ATP8B4: variants seen among roughly 807,000 people sequenced by gnomAD.
The protein encoded by ATP8B4 is probable phospholipid-transporting ATPase IM.
A neutral mutation model predicts 145.6 loss-of-function variants in ATP8B4; 133 were observed. That is an observed-to-expected ratio of 0.91 (90% CI 0.79 to 1.05). The LOEUF is 1.05. Among genes scored for constraint, ATP8B4 ranks in the 50% least tolerant of loss-of-function variants. The pLI is 0.00. For synonymous variants in ATP8B4, 507 were observed against 492.9 expected (o/e 1.03, Z -0.38); for missense variants, 1,458 against 1,425.2 (o/e 1.02, Z -0.37).
chr15:49,943,369 G>T (rs1184719277), intron 14 of ATP8B4, among the ~76,000 whole-genome samples: 3 of 150,222 alleles, frequency 2.0e-5, no homozygotes. Context: ...TTTTCAAGAA[G>T]CCCAAAGATC....
intron 1 of ATP8B4, among the ~76,000 whole-genome samples, chr15:50,162,146 C>G (rs1388275076): frequency 6.6e-6 from 1 of 152,028 alleles, no homozygotes; most frequent in Non-Finnish European, 1.5e-5. Flanking sequence ...TGTATTGGAG[C>G]TTTCTTGTAT....
chr15:49,923,905 A>G (rs2040480302), intron 16 of ATP8B4, among the ~76,000 whole-genome samples: 1 of 152,174 alleles, frequency 6.6e-6, no homozygotes, highest in African/African-American at 2.4e-5. Flanking sequence ...GTGCTATGCT[A>G]AATCATCTCC....
chr15:49,949,782 T>G (rs535454432), intron 14 of ATP8B4, among the ~76,000 whole-genome samples: 1 of 152,248 alleles, frequency 6.6e-6, no homozygotes, highest in Non-Finnish European at 1.5e-5. Context: ...CCATTCAATA[T>G]GATATTGGTT....
At chr15:50,093,871 C>A (rs2055777536) in intron 2 of ATP8B4, among the ~76,000 whole-genome samples, 1 of 152,134 alleles carries the variant, frequency 6.6e-6, no homozygotes, top group East Asian at 1.9e-4. Flanking sequence ...AACTTTAATA[C>A]AATAAGCACT....
At chr15:50,025,661 C>T (rs1343841016) in intron 6 of ATP8B4, among the ~76,000 whole-genome samples, 1 of 152,208 alleles carries the variant, frequency 6.6e-6, no homozygotes, top group Non-Finnish European at 1.5e-5. Flanking sequence ...TCTTTAGAAC[C>T]ACACTCTTTT....
At chr15:49,989,684 G>A (rs1236597051) in intron 9 of ATP8B4, among the ~76,000 whole-genome samples, 1 of 152,028 alleles carries the variant, frequency 6.6e-6, no homozygotes, top group African/African-American at 2.4e-5. Context: ...TTCTCAAAGA[G>A]TGTGGTCTCG....
At chr15:50,179,711 T>C (rs1326009755) in intron 1 of ATP8B4, among the ~76,000 whole-genome samples, 1 of 152,166 alleles carries the variant, frequency 6.6e-6, no homozygotes, top group Non-Finnish European at 1.5e-5. Flanking sequence ...AGGTAATTTG[T>C]CCCTTCTACC....
At chr15:49,910,559 T>G (rs77290729) in intron 20 of ATP8B4, among the ~76,000 whole-genome samples, 12,552 of 152,188 alleles carry the variant, frequency 0.082, 554 homozygotes, top group African/African-American at 0.099. Flanking sequence ...TCAAACTGTC[T>G]AAAGTCAATG....
intron 3 of ATP8B4, among the ~76,000 whole-genome samples, chr15:50,059,834 CA>C (rs1379738013): frequency 6.6e-6 from 1 of 152,164 alleles, no homozygotes; most frequent in Non-Finnish European, 1.5e-5. Context: ...TGAGGGTGAC[CA>C]GGGGTGCTAT....
chr15:50,077,035 T>A (rs780870186), intron 2 of ATP8B4, among the ~76,000 whole-genome samples: 4 of 152,200 alleles, frequency 2.6e-5, no homozygotes, highest in Non-Finnish European at 5.9e-5. Flanking sequence ...AGAGGTTCAA[T>A]GACCTAATGC....
chr15:49,880,656 T>A (rs2035236603), intron 23 of ATP8B4: 1 of 152,216 alleles, frequency 6.6e-6, no homozygotes, highest in Non-Finnish European at 1.5e-5. Context: ...TGACTCAGAA[T>A]AACTATTTCT....
intron 1 of ATP8B4, among the ~76,000 whole-genome samples, chr15:50,173,149 G>A (rs1178393241): frequency 3.3e-5 from 5 of 152,038 alleles, no homozygotes; most frequent in Admixed American, 6.5e-5. Flanking sequence ...CCCCGTCTGG[G>A]AAGTGAGGAG....
chr15:49,983,705 C>A (rs530917676), intron 10 of ATP8B4, among the ~76,000 whole-genome samples: 4 of 152,194 alleles, frequency 2.6e-5, no homozygotes, highest in African/African-American at 9.6e-5. Flanking sequence ...CTTACAATGG[C>A]GTCCCTAAGC....
rs578058895 is a variant in ATP8B4 at position 49,946,789 on chromosome 15, G to T, written c.1288-12607C>A. On this transcript the variant is annotated intron_variant, in intron 14 of 27. Coordinates refer to ENST00000284509, the MANE Select transcript of ATP8B4 (RefSeq NM_024837.4). ...TCTTCCATCTGAAGAAGCAGGGGCTGCCCCAGACTGGGTTGTTCCTGGAAC... is the reference window on the plus strand; with the variant it reads ...TCTTCCATCTGAAGAAGCAGGGGCTTCCCCAGACTGGGTTGTTCCTGGAAC... Among the ~76,000 whole-genome samples the T allele has an allele frequency of 1.6e-4, 24 of 152,266 alleles. No individual in the cohort carries two copies. In the South Asian group the frequency reaches 4.4e-3, roughly 28 times the overall value.
chr15:50,142,786 C>G lies in ATP8B4; in HGVS notation c.-42-35778G>C, dbSNP rs1029943270. 1.5e-4 allele frequency among the ~76,000 whole-genome samples: 23 copies of G among 152,252 alleles called. No homozygotes were observed. In the South Asian group the frequency reaches 3.1e-3, roughly 21 times the overall value. ...GGCATAGATCTTAACATTCAATACCCCCATGCAATCCTCCAAAGTCAGTAG... is the reference window on the plus strand; with the variant it reads ...GGCATAGATCTTAACATTCAATACCGCCATGCAATCCTCCAAAGTCAGTAG... On this transcript the variant is annotated intron_variant, in intron 1 of 3. Coordinates refer to the ATP8B4 transcript ENST00000558829.
chr15:50,019,611 A>G (rs1477696163), intron 6 of ATP8B4, among the ~76,000 whole-genome samples: 1 of 152,228 alleles, frequency 6.6e-6, no homozygotes, highest in African/African-American at 2.4e-5. Flanking sequence ...CAAAAGAGCT[A>G]TCTGCACTCA....
intron 26 of ATP8B4, among the ~76,000 whole-genome samples, chr15:49,865,595 G>A (rs985013715): frequency 1.1e-4 from 17 of 152,158 alleles, no homozygotes; most frequent in Non-Finnish European, 1.8e-4. Flanking sequence ...AGATATTGCC[G>A]GAATTGAATT....
intron 23 of ATP8B4, among the ~76,000 whole-genome samples, chr15:49,886,427 G>T (rs575558340): frequency 6.6e-6 from 1 of 152,280 alleles, no homozygotes; most frequent in South Asian, 2.1e-4. Flanking sequence ...GGGGGAGCAT[G>T]CAGGGATCCA....
At chr15:49,930,430 T>C (rs960627589) in intron 16 of ATP8B4, among the ~76,000 whole-genome samples, 2 of 152,040 alleles carry the variant, frequency 1.3e-5, no homozygotes, top group Non-Finnish European at 2.9e-5. Context: ...TAAATATGAA[T>C]GAGAGTGACA....
Sources: gnomAD v4.1 joint callset for allele counts (sites outside exome capture counted in the v4.1 genomes callset) on GRCh38, gnomAD v4.1.1 for gene constraint, MANE v1.5 for transcripts, NCBI Gene and HGNC (gene_info 2026-07-23, HGNC 2026-07-21) for gene names.